Variants in TMEM222 observed in about 807,000 individuals in gnomAD.
TMEM222 encodes the protein transmembrane protein 222.
In TMEM222, 18 loss-of-function variants were observed where a neutral mutation model predicts 25.1. That is an observed-to-expected ratio of 0.72 (90% CI 0.50 to 1.06). The LOEUF (loss-of-function observed/expected upper bound fraction) is 1.06, where lower values mean the gene tolerates loss of function less well. TMEM222 is among the 50% of genes least tolerant of loss of function. The pLI is 0.00. For missense variants in TMEM222, 296 were observed against 293.7 expected, an observed-to-expected ratio of 1.01 and a Z score of -0.06; for synonymous variants, 131 against 117.9, an observed-to-expected ratio of 1.11 and a Z score of -0.72.
chr1:27,332,996 AGAC>A (rs2148018070), intron 3 of TMEM222: 1 of 303,912 alleles, frequency 3.3e-6, no homozygotes, highest in East Asian at 8.0e-5. Context: ...CCTTGGCCTG[AGAC>A]CCACCGGGCA....
chr1:27,327,668 C>T (rs2014385308), intron 1 of TMEM222, among the ~76,000 whole-genome samples: 2 of 152,366 alleles, frequency 1.3e-5, no homozygotes, highest in Non-Finnish European at 2.9e-5. Flanking sequence ...GGATTACAGG[C>T]GTGAGCCACT....
In TMEM222 at chr1:27,335,399, C is replaced by T; in HGVS notation, c.560C>T (p.Thr187Ile). 2.5e-6 allele frequency: 4 copies of T among 1,614,224 alleles called. No individual in the cohort carries two copies. Among genetic ancestry groups the T allele is most frequent in the Non-Finnish European group, 3.4e-6 (4 of 1,180,046 alleles). Residue 187 changes from threonine (T) to isoleucine (I), a missense_variant, in exon 6 of 6, where the codon ACC (threonine) becomes ATC (isoleucine). By Grantham distance (89) the Thr-to-Ile change is moderately conservative. Transcript: ENST00000374076. ...KYVSVGAFVKTWLPFILLLGI... is the reference protein window; with the variant it reads ...KYVSVGAFVKIWLPFILLLGI... ...GTCAGCGTTGGGGCCTTCGTGAAGA[C>T]CTGGCTGCCCTTCATCCTTCTCCTG...
At position 27,325,859 on chromosome 1, in the gene TMEM222, C is replaced by T. The variant is rs114419840; in HGVS notation, c.194+3468C>T. The T allele has an allele frequency of 7.8e-4, 606 of 772,510 alleles. 3 individuals are homozygous for T. In the African/African-American group the frequency reaches 9.5e-3, roughly 12 times the overall value. The allele number at this position is 772,510 out of a possible 1,614,324, so 47.9% of individuals were successfully genotyped here. A position where few individuals can be genotyped will look rare whatever the true frequency, so the allele number is the denominator to read the frequency against. On this transcript the variant is annotated intron_variant, in intron 1 of 5. Coordinates refer to ENST00000374076, the MANE Select transcript of TMEM222 (RefSeq NM_032125.3). ...GTTAATTCAGAAGTATAAATTGGCC[C>T]TGGCAAATGCATATACCTCATGCTA...
intron 5 of TMEM222, chr1:27,334,584 C>A: frequency 6.9e-7 from 1 of 1,444,230 alleles, no homozygotes; most frequent in Non-Finnish European, 9.1e-7. Flanking sequence ...GGCAATGATT[C>A]CGGCTCCTCA....
In TMEM222 at chr1:27,335,494, A is replaced by G. The variant is rs781379522; in HGVS notation, c.*28A>G. 1 of 1,608,074 alleles carries G rather than the reference A, an allele frequency of 6.2e-7. No individual in the cohort carries two copies. Among genetic ancestry groups the G allele is most frequent in the Non-Finnish European group, 8.5e-7 (1 of 1,174,722 alleles). On this transcript the variant is annotated 3_prime_UTR_variant, in exon 6 of 6. Transcript: ENST00000374076. ...GCTGCTCGGTGGCCCCACACCCACC[A>G]GGGTCCCGAGGAAACAGCCGCCATC...
chr1:27,333,558 G>A (rs1166992405), intron 3 of TMEM222: 22 of 438,302 alleles, frequency 5.0e-5, no homozygotes, highest in Admixed American at 4.3e-4. Context: ...GTGTCCCCAC[G>A]TGGTGGAGGG....
At chr1:27,325,700 C>T (rs1412031049) in intron 1 of TMEM222, 1 of 846,956 alleles carries the variant, frequency 1.2e-6, no homozygotes, top group East Asian at 2.4e-5. Flanking sequence ...TCAGCGGCTC[C>T]ATCCTGGCCT....
At chr1:27,332,330 C>T in intron 3 of TMEM222, 1 of 709,794 alleles carries the variant, frequency 1.4e-6, no homozygotes, top group East Asian at 2.7e-5. Context: ...CTTGCCACAG[C>T]TCTTCAGGTT....
At position 27,334,032 on chromosome 1, in the gene TMEM222, C is replaced by G. The variant is rs1368148999; in HGVS notation, c.386C>G (p.Ser129Cys). 6.2e-7 allele frequency: 1 copy of G among 1,614,074 alleles called. No homozygotes were observed. Among genetic ancestry groups the G allele is most frequent in the African/African-American group, 1.3e-5 (1 of 74,934 alleles). The change falls in exon 4 of 6, where the codon TCT becomes TGT. Residue 129 changes from serine to cysteine, a missense_variant. Coordinates refer to ENST00000374076, the MANE Select transcript of TMEM222 (RefSeq NM_032125.3). Reference sequence around the variant, plus strand: ...TGGGACACGGCTGTGCACGACGCCTCTGAGGAGTACAAGCACCGCATGGTA... The same window carrying G: ...TGGGACACGGCTGTGCACGACGCCTGTGAGGAGTACAAGCACCGCATGGTA... ...NAWDTAVHDASEEYKHRMHNL... is the reference protein window; with the variant it reads ...NAWDTAVHDACEEYKHRMHNL...
At position 27,322,347 on chromosome 1, in the gene TMEM222, T is replaced by C; in HGVS notation, c.150T>C (p.Ser50=). 1 of 1,521,368 alleles carries C rather than the reference T, an allele frequency of 6.6e-7. No individual in the cohort carries two copies. Among genetic ancestry groups the C allele is most frequent in the Non-Finnish European group, 8.9e-7 (1 of 1,128,204 alleles). 94.2% of individuals were successfully genotyped at this position (1,521,368 alleles called of 1,614,324 possible). The stretch of plus-strand genomic sequence containing the variant: ...GCGTCGCCATGGATGTGGAACGGAG[T>C]CGCTTCCCCTACTGCGTGGTGTGGA... ...SGGVAMDVER[S]RFPYCVVWTP... The change falls in exon 1 of 6, where the codon AGT becomes AGC. Residue 50 remains serine, a synonymous_variant. Coordinates refer to ENST00000374076, the MANE Select transcript of TMEM222 (RefSeq NM_032125.3).
At chr1:27,333,670 A>C (rs1190032994) in intron 3 of TMEM222, 1 of 458,866 alleles carries the variant, frequency 2.2e-6, no homozygotes, top group African/African-American at 2.0e-5. Flanking sequence ...CCACCTCCTC[A>C]TACCATCACC....
intron 1 of TMEM222, among the ~76,000 whole-genome samples, chr1:27,323,738 A>ACTT (rs2014269197): frequency 1.3e-5 from 2 of 152,246 alleles, no homozygotes; most frequent in Non-Finnish European, 2.9e-5. Flanking sequence ...GCACCACTGC[A>ACTT]CTTCAGCATG....
chr1:27,323,453 TGCATATAAGA>T (rs2014259047), intron 1 of TMEM222, among the ~76,000 whole-genome samples: 1 of 152,246 alleles, frequency 6.6e-6, no homozygotes, highest in South Asian at 2.1e-4. Flanking sequence ...CAAGTACTTA[TGCATATAAGA>T]GCATCCAAAT....
At chr1:27,322,690 G>C (rs1395206473) in intron 1 of TMEM222, among the ~76,000 whole-genome samples, 1 of 152,178 alleles carries the variant, frequency 6.6e-6, no homozygotes, top group Non-Finnish European at 1.5e-5. Context: ...GCCCCTTATC[G>C]GATCTGAGGA....
chr1:27,325,369 CCT>C (rs2014315503), intron 1 of TMEM222: 4 of 930,196 alleles, frequency 4.3e-6, no homozygotes, highest in Non-Finnish European at 5.3e-6. Context: ...ACCACATCCT[CCT>C]CCCTGGAGAA....
At chr1:27,333,361 G>C in intron 3 of TMEM222, 1 of 471,088 alleles carries the variant, frequency 2.1e-6, no homozygotes, top group Non-Finnish European at 4.4e-6. Context: ...CTGGACCCAG[G>C]TGTCACCTCC....
intron 1 of TMEM222, among the ~76,000 whole-genome samples, chr1:27,329,997 G>A (rs542344937): frequency 6.6e-6 from 1 of 152,176 alleles, no homozygotes; most frequent in East Asian, 1.9e-4. Context: ...AGCTACTCGG[G>A]AGGCTGAGGC....
chr1:27,325,498 C>T, intron 1 of TMEM222: 2 of 1,463,592 alleles, frequency 1.4e-6, no homozygotes, highest in South Asian at 1.1e-5. Context: ...ATCCACGAGA[C>T]CACGTTCAAC....
chr1:27,325,485 G>A (rs1379278391), intron 1 of TMEM222: 18 of 1,452,376 alleles, frequency 1.2e-5, no homozygotes, highest in Admixed American at 1.7e-5. Context: ...GGAATCTTGC[G>A]GCATCCACGA....
Sources: allele counts gnomAD v4.1 joint callset (sites outside exome capture counted in the v4.1 genomes callset), GRCh38; gene constraint gnomAD v4.1.1; transcripts MANE v1.5; gene names NCBI Gene and HGNC (gene_info 2026-07-23, HGNC 2026-07-21).